The following KANK1 variants were observed in gnomAD, a reference collection of about 807,000 sequenced individuals.
The protein encoded by KANK1 is KN motif and ankyrin repeat domain-containing protein 1.
A neutral mutation model predicts 106.2 loss-of-function variants in KANK1; 109 were observed. That is an observed-to-expected ratio of 1.03 (90% CI 0.88 to 1.20). KANK1 has a LOEUF of 1.20. Ranked by LOEUF, KANK1 falls within the 50% of genes most tolerant of loss-of-function variation. The probability of loss-of-function intolerance (pLI) is 0.00; values close to 1 mark genes in which losing one functional copy is unlikely to be tolerated. For synonymous variants in KANK1, 873 were observed against 652.2 expected, an observed-to-expected ratio of 1.34 and a Z score of -5.16; for missense variants, 2,399 against 1,710.7, an observed-to-expected ratio of 1.40 and a Z score of -7.10.
chr9:627,567 C>G (rs533531564), intron 1 of KANK1, among the ~76,000 whole-genome samples: 3 of 152,066 alleles, frequency 2.0e-5, no homozygotes, highest in Non-Finnish European at 2.9e-5. Context: ...AATGAACAAT[C>G]TTCTTGTTTT....
At chr9:602,395 G>A (rs559079078) in intron 1 of KANK1, among the ~76,000 whole-genome samples, 1 of 151,896 alleles carries the variant, frequency 6.6e-6, no homozygotes, top group South Asian at 2.1e-4. Flanking sequence ...AAGTAGCTGG[G>A]ACTACAGGCA....
At chr9:659,747 G>A (rs1168900444) in intron 1 of KANK1, among the ~76,000 whole-genome samples, 3 of 151,904 alleles carry the variant, frequency 2.0e-5, no homozygotes, top group Non-Finnish European at 4.4e-5. Context: ...CCAGTTCTCG[G>A]GGGAAGTCCG....
At chr9:521,725 G>A (rs1284135786) in intron 1 of KANK1, among the ~76,000 whole-genome samples, 11 of 151,164 alleles carry the variant, frequency 7.3e-5, no homozygotes, top group South Asian at 4.2e-4. Context: ...GCGCCACCAC[G>A]CGTGGCTGAT....
Position 712,112 on chromosome 9 carries a change from C to G in KANK1, c.1346C>G (p.Thr449Ser). The G allele has an allele frequency of 6.2e-7, 1 of 1,614,094 alleles. No homozygotes were observed. Among genetic ancestry groups the G allele is most frequent in the Non-Finnish European group, 8.5e-7 (1 of 1,180,030 alleles). Residue 449 changes from threonine to serine, a missense_variant, in exon 3 of 12, where the codon ACT becomes AGT. Physicochemically the swap from Thr to Ser is moderately conservative, Grantham distance 58. Coordinates refer to ENST00000382297, the MANE Select transcript of KANK1 (RefSeq NM_015158.5). Reference sequence around the variant, plus strand: ...ACAGAGGCCATGCTTGGAGTGATGACTGAAGCTGACAAAGAAATTGAGCTG... The same window carrying G: ...ACAGAGGCCATGCTTGGAGTGATGAGTGAAGCTGACAAAGAAATTGAGCTG... ...SVTEAMLGVM[T>S]EADKEIELQQ...
chr9:475,180 C>A (rs779552555), intron 3 of KANK1, among the ~76,000 whole-genome samples: 1 of 152,148 alleles, frequency 6.6e-6, no homozygotes, highest in Non-Finnish European at 1.5e-5. Context: ...GGCAAAGTGG[C>A]GGAGTTTAAT....
intron 1 of KANK1, among the ~76,000 whole-genome samples, chr9:567,381 C>A (rs575749487): frequency 6.9e-4 from 105 of 152,314 alleles, no homozygotes; most frequent in African/African-American, 2.5e-3. Flanking sequence ...GTTTCATTAG[C>A]TTTACAAAGT....
At chr9:632,452 T>C (rs1835970147) in intron 1 of KANK1, among the ~76,000 whole-genome samples, 1 of 152,170 alleles carries the variant, frequency 6.6e-6, no homozygotes, top group Admixed American at 6.5e-5. Flanking sequence ...AAGATAATTA[T>C]TGAGAGCATG....
At chr9:694,178 C>T (rs1479058271) in intron 2 of KANK1, among the ~76,000 whole-genome samples, 1 of 152,066 alleles carries the variant, frequency 6.6e-6, no homozygotes, top group Non-Finnish European at 1.5e-5. Flanking sequence ...CACTATAAAA[C>T]AAAATAAGGA....
intron 3 of KANK1, among the ~76,000 whole-genome samples, chr9:479,942 C>CA (rs2058174198): frequency 6.6e-6 from 1 of 152,184 alleles, no homozygotes; most frequent in Admixed American, 6.5e-5. Flanking sequence ...GATGGCCTTT[C>CA]ATATGGAAAT....
intron 7 of KANK1, among the ~76,000 whole-genome samples, chr9:737,510 C>CTCCA (rs1206173363): frequency 5.9e-5 from 9 of 152,240 alleles, no homozygotes; most frequent in Non-Finnish European, 1.0e-4. Context: ...ACTGCTCAGT[C>CTCCA]TCCACTGAGC....
chr9:507,055 T>G (rs1346911627), intron 1 of KANK1, among the ~76,000 whole-genome samples: 1 of 152,038 alleles, frequency 6.6e-6, no homozygotes, highest in Non-Finnish European at 1.5e-5. Context: ...TCACTCACCC[T>G]TCAATAAGAA....
rs191734409 is a variant in KANK1 at position 742,090 on chromosome 9, A to C, written c.3697-115A>C. 121 of 875,754 alleles carry C rather than the reference A, an allele frequency of 1.4e-4. No individual in the cohort carries two copies. In the African/African-American group the frequency reaches 1.7e-3, roughly 12 times the overall value. The allele number at this position is 875,754 out of a possible 1,614,324, so 54.2% of individuals were successfully genotyped here. ...ACCTGCCCCAAGTAGTTCCATCGCC[A>C]GTTCTTTCCCTTCTGTCACCACACT... On this transcript the variant is annotated intron_variant, in intron 9 of 11. Coordinates refer to ENST00000382297, the MANE Select transcript of KANK1 (RefSeq NM_015158.5).
intron 1 of KANK1, among the ~76,000 whole-genome samples, chr9:622,763 C>T (rs151063872): frequency 0.021 from 3,197 of 151,842 alleles, 132 homozygotes; most frequent in African/African-American, 0.073. Flanking sequence ...ATGAGCCAGG[C>T]GTGGTGGCAG....
At chr9:483,575 C>A (rs1318175613) in intron 3 of KANK1, among the ~76,000 whole-genome samples, 2 of 152,144 alleles carry the variant, frequency 1.3e-5, no homozygotes, top group East Asian at 1.9e-4. Flanking sequence ...CTTTATAGCA[C>A]TGATGCAAGG....
intron 1 of KANK1, among the ~76,000 whole-genome samples, chr9:638,959 G>T (rs568412532): frequency 2.0e-5 from 3 of 152,176 alleles, no homozygotes; most frequent in South Asian, 4.2e-4. Flanking sequence ...ACTTATTTTT[G>T]TGTATTTTAA....
chr9:735,902 G>A (rs955241067), intron 7 of KANK1: 9 of 240,034 alleles, frequency 3.7e-5, no homozygotes, highest in Admixed American at 1.2e-4. Context: ...GTCTGAGGCT[G>A]GAGAATTGCT....
intron 1 of KANK1, among the ~76,000 whole-genome samples, chr9:614,383 C>T (rs1324654818): frequency 6.7e-6 from 1 of 148,498 alleles, no homozygotes; most frequent in East Asian, 1.9e-4. Context: ...TGATTATATA[C>T]TTCTGCAGTT....
chr9:530,737 C>G (rs1189162220), intron 1 of KANK1, among the ~76,000 whole-genome samples: 5 of 152,162 alleles, frequency 3.3e-5, no homozygotes, highest in South Asian at 4.1e-4. Context: ...GCCTATAATC[C>G]TAGCACTTTG....
Position 712,040 on chromosome 9 carries a change from C to CAGCTGT in KANK1, c.1277_1282dup (p.Ala426_Val427dup), listed in dbSNP as rs141509675. 643 of 1,614,136 alleles carry CAGCTGT rather than the reference C, an allele frequency of 4.0e-4. 1 individual carries two copies. The East Asian group carries it at 7.6e-3, about 19-fold the overall frequency. ...AGAGGCTCCAGGTCCTGTAAGGATGCAGCTGTAGGGACACTTGTTGAGATG... is the reference window on the plus strand; with the variant it reads ...AGAGGCTCCAGGTCCTGTAAGGATGCAGCTGTAGCTGTAGGGACACTTGTTGAGATG... On this transcript the variant is annotated inframe_insertion, in exon 3 of 12. Transcript: ENST00000382297.
Sources: allele counts gnomAD v4.1 joint callset (sites outside exome capture counted in the v4.1 genomes callset), GRCh38; gene constraint gnomAD v4.1.1; transcripts MANE v1.5; gene names NCBI Gene and HGNC (gene_info 2026-07-23, HGNC 2026-07-21).